The following BTN3A2 variants were observed in gnomAD, a reference collection of about 807,000 sequenced individuals.
BTN3A2 encodes butyrophilin subfamily 3 member A2.
A neutral mutation model predicts 37.6 loss-of-function variants in BTN3A2; 25 were observed. The observed-to-expected ratio is 0.66, with a 90% CI of 0.48 to 0.93. The LOEUF (loss-of-function observed/expected upper bound fraction) is 0.93. Among genes scored for constraint, BTN3A2 ranks in the 40% least tolerant of loss-of-function variants. BTN3A2 has a pLI of 0.00. For missense variants in BTN3A2, 266 were observed against 410.9 expected, an observed-to-expected ratio of 0.65 and a Z score of 3.05; for synonymous variants, 122 against 159.4, an observed-to-expected ratio of 0.77 and a Z score of 1.77.
At chr6:26,374,119 C>CGA in intron 8 of BTN3A2, 1 of 485,476 alleles carries the variant, frequency 2.1e-6, no homozygotes. Flanking sequence ...AGCGTTCAAC[C>CGA]GATGTTCCCA....
rs1262217400 is a variant in BTN3A2 at position 26,377,102 on chromosome 6, A to G, written c.*1340A>G. ...CCCTGACCGTTTGCCCAATACCAAA[A>G]GTAGAGAGTTCCCCCGATCCCGACC... On this transcript the variant is annotated 3_prime_UTR_variant, in exon 11 of 11. Transcript: ENST00000377708. The G allele has an allele frequency of 1.5e-6, 2 of 1,325,690 alleles. No individual in the cohort carries two copies. Among genetic ancestry groups the G allele is most frequent in the Non-Finnish European group, 1.1e-6 (1 of 918,290 alleles). The allele number at this position is 1,325,690 out of a possible 1,614,324, so 82.1% of individuals were successfully genotyped here.
At position 26,377,675 on chromosome 6, in the gene BTN3A2, G is replaced by T. The variant is rs1352404145; in HGVS notation, c.*1913G>T. On this transcript the variant is annotated 3_prime_UTR_variant, in exon 11 of 11. Coordinates refer to ENST00000377708, the MANE Select transcript of BTN3A2 (RefSeq NM_007047.5). ...AGCTTCAGTCCCTGGCCAATTGCCC[G>T]TTCTTTTCCAGCCTGATTTTTCCTG... is the stretch of plus-strand genomic sequence containing the variant. 4.0e-5 allele frequency: 7 copies of T among 174,574 alleles called. No homozygotes were observed. Among genetic ancestry groups the T allele is most frequent in the Non-Finnish European group, 8.7e-5 (7 of 80,836 alleles). 10.8% of individuals were successfully genotyped at this position (174,574 alleles called of 1,614,324 possible).
chr6:26,374,523 A>T, intron 9 of BTN3A2, 150 bp downstream of exon 9: 1 of 934,442 alleles, frequency 1.1e-6, no homozygotes, highest in Non-Finnish European at 1.7e-6. Context: ...GCCTCTGAGA[A>T]ACTCCTGATC....
intron 3 of BTN3A2, 47 bp from the exon 4 acceptor site, chr6:26,368,518 C>T (rs1354719961): frequency 1.2e-5 from 19 of 1,613,908 alleles, no homozygotes; most frequent in Non-Finnish European, 1.5e-5. Context: ...CCTCTCATGA[C>T]CCCAACTCCA....
At position 26,375,844 on chromosome 6, in the gene BTN3A2, T is replaced by G. The variant is rs1249256460; in HGVS notation, c.*82T>G. 1 of 1,549,302 alleles carries G rather than the reference T, an allele frequency of 6.5e-7. No homozygotes were observed. Among genetic ancestry groups the G allele is most frequent in the Non-Finnish European group, 8.7e-7 (1 of 1,145,032 alleles). On this transcript the variant is annotated 3_prime_UTR_variant, in exon 11 of 11. Coordinates refer to ENST00000377708, the MANE Select transcript of BTN3A2 (RefSeq NM_007047.5). ...GCTCCACCTTGTTAAATAAATTGGA[T>G]GTATGGAAAAATAGACTGCAGAAAA... is the stretch of plus-strand genomic sequence containing the variant.
chr6:26,375,605 G>A (rs1760645566), intron 10 of BTN3A2, 192 bp from the exon 11 acceptor site: 2 of 1,494,964 alleles, frequency 1.3e-6, no homozygotes, highest in Admixed American at 4.7e-5. Flanking sequence ...GGGTCCAGAA[G>A]AGGGTGGAGA....
At chr6:26,367,829 G>A (rs976095941) in intron 1 of BTN3A2, 161 bp from the exon 2 acceptor site, 7 of 274,872 alleles carry the variant, frequency 2.5e-5, no homozygotes, top group Non-Finnish European at 4.8e-5. Flanking sequence ...GTGGGACCAG[G>A]GAATCCAGTG....
At chr6:26,374,934 A>C in intron 10 of BTN3A2, 136 bp downstream of exon 10, 1 of 887,872 alleles carries the variant, frequency 1.1e-6, no homozygotes, top group Non-Finnish European at 1.7e-6. Context: ...AAGACGCATA[A>C]AGGGTGGAGG....
intron 6 of BTN3A2, 35 bp from the exon 7 acceptor site, chr6:26,373,235 ATCTTTT>A: frequency 7.2e-7 from 1 of 1,393,170 alleles, no homozygotes; most frequent in Non-Finnish European, 9.8e-7. Context: ...ATAACAGTTC[ATCTTTT>A]TTTTTTTTTT....
chr6:26,369,796 A>G (rs1234277651), intron 4 of BTN3A2, among the ~76,000 whole-genome samples: 1 of 152,160 alleles, frequency 6.6e-6, no homozygotes, highest in Non-Finnish European at 1.5e-5. Flanking sequence ...GAAATTGCTT[A>G]TGTTCAACAG....
chr6:26,365,538 T>C (rs66827971), intron 1 of BTN3A2, among the ~76,000 whole-genome samples, 186 bp downstream of exon 1: 11,676 of 149,878 alleles, frequency 0.078, 568 homozygotes, highest in Non-Finnish European at 0.11. Context: ...ATGTGCACAC[T>C]CGCACATGCA....
intron 4 of BTN3A2, among the ~76,000 whole-genome samples, chr6:26,369,551 G>T (rs1419004933): frequency 1.3e-5 from 2 of 152,168 alleles, no homozygotes; most frequent in African/African-American, 4.8e-5. Context: ...GTGTGGGCAG[G>T]TTAATTCTGA....
In BTN3A2 at chr6:26,365,207, T is replaced by A. The variant is rs956885992; in HGVS notation, c.-212T>A. On this transcript the variant is annotated 5_prime_UTR_variant, in exon 1 of 11. Coordinates refer to ENST00000377708, the MANE Select transcript of BTN3A2 (RefSeq NM_007047.5). ...AATTCTTCCAAAGAGCGACTCTTAC[T>A]GTTTCTCATGGTGAGAAGACAATAT... 7.6e-6 allele frequency: 9 copies of A among 1,180,222 alleles called. No individual in the cohort carries two copies. The highest frequency in any genetic ancestry group is 1.1e-5 in the Non-Finnish European group (9 of 840,700). The allele number at this position is 1,180,222 out of a possible 1,614,324, so 73.1% of individuals were successfully genotyped here.
At chr6:26,366,349 G>A (rs1021886832) in intron 1 of BTN3A2, among the ~76,000 whole-genome samples, 1 of 151,856 alleles carries the variant, frequency 6.6e-6, no homozygotes, top group Admixed American at 6.6e-5. Flanking sequence ...TTGGAATTTT[G>A]GGGGCAAATA....
In BTN3A2 at chr6:26,370,312, C is replaced by G; in HGVS notation, c.434-10C>G. 2 of 1,612,738 alleles carry G rather than the reference C, an allele frequency of 1.2e-6. No individual in the cohort carries two copies. The highest frequency in any genetic ancestry group is 1.7e-6 in the Non-Finnish European group (2 of 1,178,816). ...CTATCCAGAATTTAGGCCAAATTAT[C>G]CTTCCACAGCACTGGGTTCTAATCT... On this transcript the variant is annotated splice_polypyrimidine_tract_variant and intron_variant, in intron 4 of 10. Transcript: ENST00000377708.
chr6:26,375,889 C>A lies in BTN3A2; in HGVS notation c.*127C>A. On this transcript the variant is annotated 3_prime_UTR_variant, in exon 11 of 11. Transcript: ENST00000377708. ...AGAAAAGGGGAACTCATTTAGCTCACGAGTGGTCGAGTGAAGATTGAAAAT... is the reference window on the plus strand; with the variant it reads ...AGAAAAGGGGAACTCATTTAGCTCAAGAGTGGTCGAGTGAAGATTGAAAAT... The A allele has an allele frequency of 3.9e-6, 6 of 1,531,426 alleles. No individual in the cohort carries two copies. Among genetic ancestry groups the A allele is most frequent in the Non-Finnish European group, 4.4e-6 (5 of 1,129,316 alleles). The allele number at this position is 1,531,426 out of a possible 1,614,324, so 94.9% of individuals were successfully genotyped here. A position where few individuals can be genotyped will look rare whatever the true frequency, so the allele number is the denominator to read the frequency against.
chr6:26,365,216 T>G lies in BTN3A2; in HGVS notation c.-203T>G. 8.0e-7 allele frequency: 1 copy of G among 1,242,276 alleles called. No homozygotes were observed. Among genetic ancestry groups the G allele is most frequent in the Non-Finnish European group, 1.1e-6 (1 of 890,846 alleles). 77.0% of individuals were successfully genotyped at this position (1,242,276 alleles called of 1,614,324 possible). On this transcript the variant is annotated 5_prime_UTR_variant, in exon 1 of 11. The change abolishes an upstream ATG in the 5' untranslated region. Transcript: ENST00000377708. Reference sequence around the variant, plus strand: ...AAAGAGCGACTCTTACTGTTTCTCATGGTGAGAAGACAATATTTGCTTTCT... The same window carrying G: ...AAAGAGCGACTCTTACTGTTTCTCAGGGTGAGAAGACAATATTTGCTTTCT...
At chr6:26,374,876 C>G in intron 10 of BTN3A2, 78 bp downstream of exon 10, 1 of 1,420,492 alleles carries the variant, frequency 7.0e-7, no homozygotes, top group East Asian at 2.3e-5. Flanking sequence ...TTCTCCAACT[C>G]TTGTGATTTG....
At chr6:26,371,290 A>C (rs1171095507) in intron 5 of BTN3A2, among the ~76,000 whole-genome samples, 1 of 128,122 alleles carries the variant, frequency 7.8e-6, no homozygotes, top group African/African-American at 3.0e-5. Flanking sequence ...ATAAAATAGA[A>C]ACCAAGTAAA....
Sources: gnomAD v4.1 joint callset for allele counts (sites outside exome capture counted in the v4.1 genomes callset) on GRCh38, gnomAD v4.1.1 for gene constraint, MANE v1.5 for transcripts, NCBI Gene and HGNC (gene_info 2026-07-23, HGNC 2026-07-21) for gene names.